The following CTNNA3 variants were observed in gnomAD, a reference collection of about 807,000 sequenced individuals.
The protein encoded by CTNNA3 is catenin alpha 3, also known as catenin alpha-3.
In CTNNA3, 76 loss-of-function variants were observed where a neutral mutation model predicts 95.7. The observed-to-expected ratio is 0.79, with a 90% CI of 0.66 to 0.96. The LOEUF is 0.96. Among genes scored for constraint, CTNNA3 ranks in the 40% least tolerant of loss-of-function variants. CTNNA3 has a pLI of 0.00. For synonymous variants in CTNNA3, 431 were observed against 374.4 expected (o/e 1.15, Z -1.74); for missense variants, 1,191 against 1,089.8 (o/e 1.09, Z -1.31).
intron 11 of CTNNA3, among the ~76,000 whole-genome samples, chr10:66,438,411 C>A (rs777846311): frequency 1.8e-4 from 28 of 152,194 alleles, no homozygotes; most frequent in Admixed American, 7.2e-4. Context: ...AAGGAGGAAT[C>A]TAGAGAGGCA....
At chr10:66,682,527 A>C (rs1407912041) in intron 9 of CTNNA3, among the ~76,000 whole-genome samples, 1 of 152,096 alleles carries the variant, frequency 6.6e-6, no homozygotes, top group Non-Finnish European at 1.5e-5. Flanking sequence ...TGTTTGGTAC[A>C]CAAACAACAA....
At chr10:66,015,165 T>A (rs1286670425) in intron 15 of CTNNA3, among the ~76,000 whole-genome samples, 1 of 151,920 alleles carries the variant, frequency 6.6e-6, no homozygotes, top group Non-Finnish European at 1.5e-5. Flanking sequence ...TAAAATTTAC[T>A]TTATTGGAGT....
chr10:66,690,758 T>C (rs1164284291), intron 9 of CTNNA3, among the ~76,000 whole-genome samples: 11 of 151,936 alleles, frequency 7.2e-5, no homozygotes, highest in Non-Finnish European at 1.6e-4. Context: ...GTCTTTGCTA[T>C]TGTGAGTAGT....
At chr10:67,136,412 G>A (rs4746661) in intron 7 of CTNNA3, among the ~76,000 whole-genome samples, 2,076 of 152,072 alleles carry the variant, frequency 0.014, 35 homozygotes, top group African/African-American at 0.048. Context: ...AAATTTCTAT[G>A]TAATTAGAAT....
At chr10:67,737,745 G>T (rs377243524) in intron 1 of CTNNA3, among the ~76,000 whole-genome samples, 5,259 of 152,132 alleles carry the variant, frequency 0.035, 96 homozygotes, top group Middle Eastern at 0.085. Context: ...CATTAAAAAG[G>T]CAGGAAACAA....
chr10:66,427,378 T>A (rs1364513436), intron 11 of CTNNA3, among the ~76,000 whole-genome samples: 2 of 152,072 alleles, frequency 1.3e-5, no homozygotes, highest in African/African-American at 4.8e-5. Context: ...CTGTTAGTTG[T>A]ATTTGTATTT....
intron 1 of CTNNA3, among the ~76,000 whole-genome samples, chr10:67,725,504 G>C (rs1841204391): frequency 6.6e-6 from 1 of 151,962 alleles, no homozygotes; most frequent in Non-Finnish European, 1.5e-5. Context: ...AGTAAGATCT[G>C]CCTGTCAAAT....
intron 7 of CTNNA3, among the ~76,000 whole-genome samples, chr10:66,798,434 G>A (rs1405851641): frequency 6.6e-6 from 1 of 151,714 alleles, no homozygotes; most frequent in African/African-American, 2.4e-5. Context: ...AGCACAGGTG[G>A]TGTTTAAAGG....
chr10:66,798,877 CT>C (rs1027687909), intron 7 of CTNNA3, among the ~76,000 whole-genome samples: 1 of 151,478 alleles, frequency 6.6e-6, no homozygotes, highest in African/African-American at 2.4e-5. Flanking sequence ...TTCTATAAAC[CT>C]TATGCATCAA....
chr10:67,657,859 A>AT (rs1423044445), intron 1 of CTNNA3, among the ~76,000 whole-genome samples: 1 of 150,698 alleles, frequency 6.6e-6, no homozygotes, highest in Non-Finnish European at 1.5e-5. Context: ...AAAAAAAAAA[A>AT]AAAAAAAAAA....
chr10:66,586,747 G>C (rs975313234), intron 10 of CTNNA3, among the ~76,000 whole-genome samples: 1 of 152,134 alleles, frequency 6.6e-6, no homozygotes, highest in African/African-American at 2.4e-5. Flanking sequence ...TGTTGGGGTA[G>C]AGCTGCAGAC....
intron 12 of CTNNA3, among the ~76,000 whole-genome samples, chr10:66,348,732 C>T (rs1315803595): frequency 2.6e-5 from 4 of 152,094 alleles, no homozygotes; most frequent in Admixed American, 6.5e-5. Flanking sequence ...TTTTACTCTA[C>T]GAGTGTCCGC....
At chr10:66,039,730 C>G (rs971921895) in intron 15 of CTNNA3, among the ~76,000 whole-genome samples, 5 of 152,204 alleles carry the variant, frequency 3.3e-5, no homozygotes, top group African/African-American at 1.2e-4. Flanking sequence ...AAAATTAACT[C>G]AAGATGGATC....
intron 3 of CTNNA3, among the ~76,000 whole-genome samples, chr10:67,556,994 G>C (rs1841283747): frequency 6.6e-6 from 1 of 152,112 alleles, no homozygotes; most frequent in South Asian, 2.1e-4. Flanking sequence ...CTTTATTTCT[G>C]CCTTCATTTT....
intron 5 of CTNNA3, among the ~76,000 whole-genome samples, chr10:67,368,273 G>A (rs1337776250): frequency 6.6e-6 from 1 of 152,148 alleles, no homozygotes; most frequent in Non-Finnish European, 1.5e-5. Context: ...AACATCATTA[G>A]TTATTAAGGA....
In CTNNA3 at chr10:67,647,430, C is replaced by T; in HGVS notation, c.84G>A (p.Glu28=). The T allele has an allele frequency of 6.2e-7, 1 of 1,612,668 alleles. No homozygotes were observed. The highest frequency in any genetic ancestry group is 8.5e-7 in the Non-Finnish European group (1 of 1,179,082). The change falls in exon 2 of 18, where the codon GAG becomes GAA. Residue 28 remains glutamate, a synonymous_variant. Transcript: ENST00000433211. ...VQTFTVEKLL[E]PLIIQVTTLV... ...GTATTAATACCTGGATTATGAGAGG[C>T]TCCAGTAGCTTCTCCACGGTGAATG...
chr10:67,149,199 TCTACTA>T (rs1253292258), intron 7 of CTNNA3, among the ~76,000 whole-genome samples: 1 of 152,108 alleles, frequency 6.6e-6, no homozygotes, highest in Admixed American at 6.6e-5. Context: ...ACATCACTCA[TCTACTA>T]CTACTACTAG....
At chr10:66,617,411 C>A (rs1396189866) in intron 10 of CTNNA3, among the ~76,000 whole-genome samples, 1 of 151,956 alleles carries the variant, frequency 6.6e-6, no homozygotes, top group Non-Finnish European at 1.5e-5. Context: ...TCAATATACG[C>A]AAATCAATAA....
chr10:67,762,570 C>A (rs948880328), intron 1 of CTNNA3, among the ~76,000 whole-genome samples: 5 of 152,036 alleles, frequency 3.3e-5, no homozygotes, highest in African/African-American at 1.2e-4. Flanking sequence ...ATAAAAAGGG[C>A]TTCAAGATCA....
Sources: allele counts gnomAD v4.1 joint callset (sites outside exome capture counted in the v4.1 genomes callset), GRCh38; gene constraint gnomAD v4.1.1; transcripts MANE v1.5; gene names NCBI Gene and HGNC (gene_info 2026-07-23, HGNC 2026-07-21).